The following CTBP2 variants were observed in gnomAD, a reference collection of about 807,000 sequenced individuals.
CTBP2 encodes the protein C-terminal-binding protein 2.
A neutral mutation model predicts 80.3 loss-of-function variants in CTBP2; 30 were observed. That is an observed-to-expected ratio of 0.37 (90% CI 0.28 to 0.51). CTBP2 has a LOEUF of 0.51. Among genes scored for constraint, CTBP2 ranks in the 20% least tolerant of loss-of-function variants. The pLI is 0.93. For missense variants in CTBP2, 1,212 were observed against 1,375.3 expected (o/e 0.88, Z 1.88); for synonymous variants, 594 against 587.4 (o/e 1.01, Z -0.16).
intron 1 of CTBP2, among the ~76,000 whole-genome samples, chr10:125,154,116 A>C (rs758922885): frequency 9.9e-5 from 15 of 152,244 alleles, no homozygotes; most frequent in Non-Finnish European, 1.8e-4. Flanking sequence ...TTAATGCAAG[A>C]AGCACATTTC....
At chr10:125,159,180 G>A (rs998082754) in intron 1 of CTBP2, among the ~76,000 whole-genome samples, 4 of 150,768 alleles carry the variant, frequency 2.7e-5, no homozygotes, top group Non-Finnish European at 4.4e-5. Flanking sequence ...GGAGGAGGAG[G>A]AACCGCGGCG....
chr10:125,158,066 A>G (rs1591162400), intron 1 of CTBP2, among the ~76,000 whole-genome samples: 1 of 152,212 alleles, frequency 6.6e-6, no homozygotes, highest in South Asian at 2.1e-4. Flanking sequence ...CTATTACTTT[A>G]TAATTGCTGT....
At chr10:125,049,808 C>T (rs920770888) in intron 2 of CTBP2, among the ~76,000 whole-genome samples, 3 of 152,248 alleles carry the variant, frequency 2.0e-5, no homozygotes, top group Middle Eastern at 3.4e-3. Flanking sequence ...GAGTGGGGAC[C>T]CAGCCTTCCA....
chr10:125,118,078 A>G (rs912866361), intron 1 of CTBP2, among the ~76,000 whole-genome samples: 2 of 152,258 alleles, frequency 1.3e-5, no homozygotes, highest in East Asian at 3.8e-4. Flanking sequence ...ATAGAAGGCC[A>G]ACCAGTGGAA....
chr10:125,007,932 G>A (rs1955442646), intron 1 of CTBP2, among the ~76,000 whole-genome samples: 1 of 151,894 alleles, frequency 6.6e-6, no homozygotes, highest in Non-Finnish European at 1.5e-5. Context: ...TGACATAGGA[G>A]GCAAAGGCTG....
chr10:125,069,257 T>C (rs1395472381), intron 2 of CTBP2, among the ~76,000 whole-genome samples: 1 of 152,178 alleles, frequency 6.6e-6, no homozygotes, highest in Non-Finnish European at 1.5e-5. Context: ...AGCTTTAAAT[T>C]CCAAAATCAG....
chr10:125,043,134 A>G (rs777389464), intron 2 of CTBP2, among the ~76,000 whole-genome samples: 1 of 152,196 alleles, frequency 6.6e-6, no homozygotes, highest in Non-Finnish European at 1.5e-5. Context: ...TGTTCCGTGG[A>G]GGTATCACAG....
Position 125,137,296 on chromosome 10 carries a change from C to G in CTBP2, c.-206+23023G>C, listed in dbSNP as rs550881132. On this transcript the variant is annotated intron_variant, in intron 1 of 10. Transcript: ENST00000337195. ...CTGGGGGCAGCGGCTGTGGCCAAAC[C>G]CAGAGCAGAGTCTCGGGAACCCCTC... Among the ~76,000 whole-genome samples, 9 of 152,250 alleles carry G rather than the reference C, an allele frequency of 5.9e-5. No homozygotes were observed. In the South Asian group the frequency reaches 1.9e-3, roughly 32 times the overall value.
intron 4 of CTBP2, 152 bp downstream of exon 6, chr10:124,997,812 C>A: frequency 4.0e-6 from 3 of 756,118 alleles, no homozygotes; most frequent in Non-Finnish European, 6.3e-6. Flanking sequence ...GTCTTGACTC[C>A]GATCTCCTAC....
chr10:125,068,188 T>C (rs1590495039), intron 2 of CTBP2, among the ~76,000 whole-genome samples: 3 of 152,312 alleles, frequency 2.0e-5, no homozygotes, highest in African/African-American at 7.2e-5. Context: ...ACCAGAGTTC[T>C]GCCCCACGAC....
chr10:125,014,381 G>A (rs1286442776), intron 1 of CTBP2, among the ~76,000 whole-genome samples: 2 of 152,242 alleles, frequency 1.3e-5, no homozygotes, highest in East Asian at 3.8e-4. Flanking sequence ...GAGCCCAGGA[G>A]TTCAAGGCTG....
intron 1 of CTBP2, among the ~76,000 whole-genome samples, chr10:125,012,495 T>C (rs1377929964): frequency 6.6e-6 from 1 of 152,176 alleles, no homozygotes; most frequent in Non-Finnish European, 1.5e-5. Context: ...GCTTGTTCTC[T>C]TCCTGCCGGC....
intron 2 of CTBP2, among the ~76,000 whole-genome samples, chr10:125,065,623 A>G (rs956450946): frequency 1.3e-5 from 2 of 152,066 alleles, no homozygotes; most frequent in Non-Finnish European, 2.9e-5. Flanking sequence ...CCGGAGGGAG[A>G]AAGTGGGAGG....
Position 125,150,657 on chromosome 10 carries a change from C to T in CTBP2, c.-206+9662G>A, listed in dbSNP as rs893463996. Among the ~76,000 whole-genome samples the T allele has an allele frequency of 1.6e-4, 25 of 151,668 alleles. No homozygotes were observed. In the South Asian group the frequency reaches 1.7e-3, roughly 10 times the overall value. ...TGACTAACTATCACCTGTGCCTCTG[C>T]GAGGACAGCGCTGTGCTTGGCCAGG... is the stretch of plus-strand genomic sequence containing the variant. On this transcript the variant is annotated intron_variant, in intron 1 of 10. Coordinates refer to the CTBP2 transcript ENST00000337195.
chr10:125,099,375 C>A (rs1850252009), intron 2 of CTBP2, among the ~76,000 whole-genome samples: 1 of 152,246 alleles, frequency 6.6e-6, no homozygotes, highest in South Asian at 2.1e-4. Flanking sequence ...GGGCAACTGG[C>A]TGGACCATTC....
intron 2 of CTBP2, among the ~76,000 whole-genome samples, chr10:125,067,593 C>T (rs1844841050): frequency 6.6e-6 from 1 of 152,312 alleles, no homozygotes; most frequent in East Asian, 1.9e-4. Flanking sequence ...ATTTATCAAA[C>T]TTCTTATCTT....
At chr10:125,158,813 G>T (rs1213348252) in intron 1 of CTBP2, 1 of 152,090 alleles carries the variant, frequency 6.6e-6, no homozygotes, top group Non-Finnish European at 1.5e-5. Context: ...GTACCGGGCG[G>T]GGGGAGGGGG....
intron 1 of CTBP2, among the ~76,000 whole-genome samples, chr10:125,009,838 G>A (rs915862838): frequency 1.3e-5 from 2 of 152,216 alleles, no homozygotes; most frequent in African/African-American, 4.8e-5. Flanking sequence ...AGCTCTGAGT[G>A]GGGGAAGGCG....
At chr10:125,062,020 C>T (rs1208646081) in intron 2 of CTBP2, among the ~76,000 whole-genome samples, 1 of 152,190 alleles carries the variant, frequency 6.6e-6, no homozygotes, top group Admixed American at 6.5e-5. Flanking sequence ...GCCCAGGGAT[C>T]GTCCACGCCC....
Sources: gnomAD v4.1 joint callset for allele counts (sites outside exome capture counted in the v4.1 genomes callset) on GRCh38, gnomAD v4.1.1 for gene constraint, MANE v1.5 for transcripts, NCBI Gene and HGNC (gene_info 2026-07-23, HGNC 2026-07-21) for gene names.